Variants in NLGN1 observed in about 807,000 individuals in gnomAD.
The protein encoded by NLGN1 is neuroligin 1.
A neutral mutation model predicts 65.5 loss-of-function variants in NLGN1; 12 were observed. The ratio of observed to expected loss-of-function variants is 0.18; its 90% CI spans 0.12 to 0.30. The LOEUF is 0.30. NLGN1 is among the 10% of genes least tolerant of loss of function. The probability of loss-of-function intolerance (pLI) is 1.00; values close to 1 mark genes in which losing one functional copy is unlikely to be tolerated. For synonymous variants in NLGN1, 350 were observed against 359.5 expected (o/e 0.97, Z 0.30); for missense variants, 750 against 1,007.1 (o/e 0.74, Z 3.46).
chr3:173,592,668 A>G (rs1980296), intron 2 of NLGN1, among the ~76,000 whole-genome samples: 31,064 of 152,130 alleles, frequency 0.2, 3,898 homozygotes, highest in East Asian at 0.28. Flanking sequence ...GAAAAATAGT[A>G]TAATGAATTA....
chr3:173,637,099 G>A (rs1352377880), intron 3 of NLGN1, among the ~76,000 whole-genome samples: 3 of 152,106 alleles, frequency 2.0e-5, no homozygotes, highest in African/African-American at 7.2e-5. Context: ...TGCCTGAACA[G>A]CAAACACTCG....
At chr3:173,450,094 A>T (rs1043999632) in intron 2 of NLGN1, among the ~76,000 whole-genome samples, 1 of 152,102 alleles carries the variant, frequency 6.6e-6, no homozygotes, top group Non-Finnish European at 1.5e-5. Context: ...TGTGAATTTG[A>T]TCCTGTCATT....
At chr3:174,190,374 A>G (rs1297437810) in intron 4 of NLGN1, among the ~76,000 whole-genome samples, 2 of 152,038 alleles carry the variant, frequency 1.3e-5, no homozygotes, top group South Asian at 2.1e-4. Flanking sequence ...AAATAAAAAC[A>G]TGCAATTTTT....
chr3:173,422,973 T>A (rs1185408863), intron 1 of NLGN1, among the ~76,000 whole-genome samples: 1 of 152,208 alleles, frequency 6.6e-6, no homozygotes, highest in East Asian at 1.9e-4. Context: ...CTTTCCTGAC[T>A]TTATTGTCAG....
intron 4 of NLGN1, among the ~76,000 whole-genome samples, chr3:174,216,859 G>A (rs6764226): frequency 0.73 from 111,073 of 151,892 alleles, 40,696 homozygotes; most frequent in East Asian, 0.8. Flanking sequence ...CACATCATTA[G>A]TGGTATTGCT....
chr3:173,690,688 T>C (rs1577968752), intron 3 of NLGN1, among the ~76,000 whole-genome samples: 5 of 152,314 alleles, frequency 3.3e-5, no homozygotes, highest in African/African-American at 1.2e-4. Flanking sequence ...ATCAAGTTAA[T>C]GAAGAACATA....
At chr3:173,431,099 CATTTT>C (rs1717082560) in intron 1 of NLGN1, among the ~76,000 whole-genome samples, 2 of 152,108 alleles carry the variant, frequency 1.3e-5, no homozygotes, top group African/African-American at 4.8e-5. Context: ...TTATTACTAT[CATTTT>C]ATTCTTTCAT....
intron 4 of NLGN1, among the ~76,000 whole-genome samples, chr3:174,229,612 T>G (rs987351045): frequency 6.6e-6 from 1 of 152,034 alleles, no homozygotes; most frequent in Non-Finnish European, 1.5e-5. Flanking sequence ...TACTAAAAAG[T>G]AAAAGAAAAA....
intron 3 of NLGN1, among the ~76,000 whole-genome samples, chr3:173,806,062 A>T (rs1446805375): frequency 1.3e-5 from 2 of 152,140 alleles, no homozygotes; most frequent in African/African-American, 4.8e-5. Context: ...ACAAGATATT[A>T]TTCTCAAATA....
intron 4 of NLGN1, among the ~76,000 whole-genome samples, chr3:174,118,500 A>G (rs1282562008): frequency 6.6e-6 from 1 of 152,204 alleles, no homozygotes; most frequent in Non-Finnish European, 1.5e-5. Context: ...AACTAAGGTT[A>G]TATAACAATT....
intron 3 of NLGN1, among the ~76,000 whole-genome samples, chr3:173,694,775 G>A (rs1765967636): frequency 6.6e-6 from 1 of 152,140 alleles, no homozygotes; most frequent in African/African-American, 2.4e-5. Context: ...ACTCACATGT[G>A]CAATTTTGTG....
intron 4 of NLGN1, among the ~76,000 whole-genome samples, chr3:174,159,012 T>C (rs73046281): frequency 5.3e-5 from 8 of 151,556 alleles, no homozygotes; most frequent in African/African-American, 1.9e-4. Context: ...AATGAAAAGA[T>C]ACAAAAAAAT....
chr3:173,986,573 A>G (rs559381132), intron 4 of NLGN1, among the ~76,000 whole-genome samples: 1 of 152,288 alleles, frequency 6.6e-6, no homozygotes, highest in South Asian at 2.1e-4. Context: ...CAGGAAGAAG[A>G]TGACCAAGAA....
At chr3:173,664,317 A>T (rs1306838888) in intron 3 of NLGN1, among the ~76,000 whole-genome samples, 1 of 152,082 alleles carries the variant, frequency 6.6e-6, no homozygotes, top group East Asian at 1.9e-4. Context: ...CACAACATTT[A>T]TTTAGAACAG....
At chr3:173,871,682 A>C (rs1319583385) in intron 4 of NLGN1, among the ~76,000 whole-genome samples, 1 of 152,214 alleles carries the variant, frequency 6.6e-6, no homozygotes, top group East Asian at 1.9e-4. Context: ...CATGCCTGGA[A>C]CACAGTCTTG....
intron 4 of NLGN1, among the ~76,000 whole-genome samples, chr3:173,811,715 T>C (rs2150477009): frequency 6.6e-6 from 1 of 152,044 alleles, no homozygotes; most frequent in African/African-American, 2.4e-5. Flanking sequence ...AATTATAGAA[T>C]ATATAAGATA....
At chr3:173,537,425 T>C (rs1038593035) in intron 2 of NLGN1, among the ~76,000 whole-genome samples, 3 of 152,042 alleles carry the variant, frequency 2.0e-5, no homozygotes, top group Non-Finnish European at 2.9e-5. Flanking sequence ...TACTGTGATA[T>C]AAAGTCAGTA....
chr3:174,198,724 T>C (rs1256399213), intron 4 of NLGN1, among the ~76,000 whole-genome samples: 3 of 152,146 alleles, frequency 2.0e-5, no homozygotes. Flanking sequence ...TTTATGGTAA[T>C]TAAGTGACAT....
At chr3:173,871,984 A>G (rs1228312192) in intron 4 of NLGN1, among the ~76,000 whole-genome samples, 1 of 152,150 alleles carries the variant, frequency 6.6e-6, no homozygotes, top group East Asian at 1.9e-4. Flanking sequence ...CAAGAATAAC[A>G]TCTTGGTTTG....
Sources: allele counts gnomAD v4.1 joint callset (sites outside exome capture counted in the v4.1 genomes callset), GRCh38; gene constraint gnomAD v4.1.1; transcripts MANE v1.5; gene names NCBI Gene and HGNC (gene_info 2026-07-23, HGNC 2026-07-21).